The following HGS variants were observed in gnomAD, a reference collection of about 807,000 sequenced individuals.
HGS encodes the protein hepatocyte growth factor-regulated tyrosine kinase substrate.
HGS carries 63 observed loss-of-function variants against 109.7 expected under a neutral mutation model. The observed-to-expected ratio is 0.57, with a 90% CI of 0.47 to 0.71. The LOEUF is 0.71. HGS is among the 30% of genes least tolerant of loss of function. The pLI is 0.00. For missense variants in HGS, 995 were observed against 1,068.3 expected (o/e 0.93, Z 0.96); for synonymous variants, 546 against 437.3 (o/e 1.25, Z -3.10).
In HGS at chr17:81,686,399, C is replaced by T. The variant is rs760890523; in HGVS notation, c.198+12C>T. ...TGTATGCCCTGGAGGTAAGCAGACC[C>T]CCGTGCCTCAGTGGCCCCCAGGGTC... On this transcript the variant is annotated intron_variant, in intron 3 of 21. Transcript: ENST00000329138. 3 of 1,610,964 alleles carry T rather than the reference C, an allele frequency of 1.9e-6. No homozygotes were observed. The highest frequency in any genetic ancestry group is 1.1e-5 in the South Asian group (1 of 91,020).
chr17:81,696,579 G>A, intron 16 of HGS, 28 bp from the exon 17 acceptor site: 1 of 1,569,980 alleles, frequency 6.4e-7, no homozygotes, highest in Non-Finnish European at 8.7e-7. Flanking sequence ...GGACCTCGCA[G>A]CATAACCAGC....
At chr17:81,690,298 C>T in intron 6 of HGS, 64 bp downstream of exon 6, 2 of 1,532,396 alleles carry the variant, frequency 1.3e-6, no homozygotes, top group Admixed American at 1.7e-5. Flanking sequence ...AAGGGGAGTG[C>T]TGGGAGCCCG....
intron 5 of HGS, among the ~76,000 whole-genome samples, chr17:81,689,819 C>T (rs1453936007): frequency 2.0e-5 from 3 of 152,100 alleles, no homozygotes; most frequent in East Asian, 1.9e-4. Context: ...TTTCTGGGGT[C>T]GTGTGTCAAG....
chr17:81,685,792 G>A, intron 2 of HGS, 103 bp downstream of exon 2: 1 of 809,510 alleles, frequency 1.2e-6, no homozygotes, highest in South Asian at 1.7e-5. Context: ...GACCGTGTTA[G>A]GCTCTTATGT....
rs771038555 is a variant in HGS, at chr17:81,696,574, T to G, written c.1567-33T>G. 9.0e-6 allele frequency: 14 copies of G among 1,560,954 alleles called. No homozygotes were observed. The African/African-American group carries it at 1.9e-4, about 21-fold the overall frequency. On this transcript the variant is annotated intron_variant, in intron 16 of 21. Transcript: ENST00000329138. ...ACAGGCCGGGGCCGGCTGGGGGACC[T>G]CGCAGCATAACCAGCATGTTTTTGC...
chr17:81,690,030 T>G, intron 5 of HGS, 152 bp from the exon 6 acceptor site: 1 of 708,474 alleles, frequency 1.4e-6, no homozygotes, highest in South Asian at 2.0e-5. Flanking sequence ...ACACCCAATC[T>G]TGGGGGCAGG....
intron 15 of HGS, 34 bp downstream of exon 15, chr17:81,696,033 G>A: frequency 6.6e-7 from 1 of 1,514,354 alleles, no homozygotes; most frequent in Non-Finnish European, 8.9e-7. Flanking sequence ...TCGGCTCAGG[G>A]GCAGCCAGGT....
Position 81,693,590 on chromosome 17 carries a change from C to A in HGS, c.741+9C>A, listed in dbSNP as rs762812031. On this transcript the variant is annotated intron_variant, in intron 9 of 21. Coordinates refer to ENST00000329138, the MANE Select transcript of HGS (RefSeq NM_004712.5). ...TGTCTCAGCAGTCCCAGGTACTCAGCCCCCTCCGTCCCGTGGGCACCTCTT... is the reference window on the plus strand; with the variant it reads ...TGTCTCAGCAGTCCCAGGTACTCAGACCCCTCCGTCCCGTGGGCACCTCTT... 4.4e-6 allele frequency: 7 copies of A among 1,573,924 alleles called. No homozygotes were observed. In the South Asian group the frequency reaches 5.7e-5, roughly 13 times the overall value.
In HGS at chr17:81,695,209, G is replaced by A. The variant is rs1226525925; in HGVS notation, c.1165G>A (p.Gly389Ser). 1 of 1,614,176 alleles carries A rather than the reference G, an allele frequency of 6.2e-7. No homozygotes were observed. Among genetic ancestry groups the A allele is most frequent in the Non-Finnish European group, 8.5e-7 (1 of 1,179,988 alleles). ...CTCTCAGCCCATTCCTCCCTCTGGT[G>A]GCCCCTTTAGTGAGGTAAGCTGTGG... Reference protein sequence around the residue: ...TDSQPIPPSGGPFSEPQFHNG... With the variant: ...TDSQPIPPSGSPFSEPQFHNG... The change falls in exon 14 of 22, where the codon GGC (glycine) becomes AGC (serine). Residue 389 changes from glycine (G) to serine (S), a missense_variant. Gly to Ser is a moderately conservative substitution (Grantham distance 56). This residue lies in a region of HGS where 300 missense variants were observed against 235.4 expected (regional missense o/e 1.27). Transcript: ENST00000329138.
chr17:81,686,957 C>T, intron 3 of HGS, 46 bp from the exon 4 acceptor site: 2 of 1,513,500 alleles, frequency 1.3e-6, no homozygotes, highest in Non-Finnish European at 1.8e-6. Flanking sequence ...AGGAGGGGCC[C>T]TGCCCTGACC....
chr17:81,685,289 C>T (rs1293218605), intron 1 of HGS, among the ~76,000 whole-genome samples: 1 of 152,214 alleles, frequency 6.6e-6, no homozygotes, highest in South Asian at 2.1e-4. Context: ...AAGAGTGAAT[C>T]AGCCTCTGTC....
chr17:81,688,592 C>T, intron 4 of HGS, 112 bp from the exon 5 acceptor site: 1 of 1,386,366 alleles, frequency 7.2e-7, no homozygotes, highest in Non-Finnish European at 9.9e-7. Context: ...TCCCTGGCCT[C>T]TGTGTCAGCC....
Position 81,687,118 on chromosome 17 carries a change from G to T in HGS, c.291+23G>T, listed in dbSNP as rs1306878027. On this transcript the variant is annotated intron_variant, in intron 4 of 21. Coordinates refer to ENST00000329138, the MANE Select transcript of HGS (RefSeq NM_004712.5). ...AAGGTGGGTGAGACGGGGGCATGCG[G>T]GTGGCCACCCAGGCTGGCACCTTTG... The T allele has an allele frequency of 5.1e-6, 8 of 1,570,412 alleles. No individual in the cohort carries two copies. In the South Asian group the frequency reaches 7.9e-5, roughly 15 times the overall value.
chr17:81,695,384 C>T (rs1354502630), intron 14 of HGS, among the ~76,000 whole-genome samples, 161 bp downstream of exon 14: 9 of 152,228 alleles, frequency 5.9e-5, no homozygotes, highest in Non-Finnish European at 1.3e-4. Flanking sequence ...CCTTTGTGGC[C>T]TCTCCCAATG....
At chr17:81,686,264 C>T in intron 2 of HGS, 48 bp from the exon 3 acceptor site, 3 of 1,503,242 alleles carry the variant, frequency 2.0e-6, no homozygotes, top group South Asian at 1.1e-5. Context: ...GTTGCTGAGA[C>T]TATTTTTTTC....
chr17:81,687,347 G>A lies in HGS; in HGVS notation c.291+252G>A, dbSNP rs573912159. On this transcript the variant is annotated intron_variant, in intron 4 of 21. Transcript: ENST00000329138. Reference sequence around the variant, plus strand: ...GTGTCTGGAGGACCAAGGTGACAGCGACCCTGGGGCCTGGGGGAAGCTTCC... The same window carrying A: ...GTGTCTGGAGGACCAAGGTGACAGCAACCCTGGGGCCTGGGGGAAGCTTCC... 3.9e-5 allele frequency among the ~76,000 whole-genome samples: 6 copies of A among 152,312 alleles called. No homozygotes were observed. The South Asian group carries it at 8.3e-4, about 21-fold the overall frequency.
intron 18 of HGS, chr17:81,697,207 C>A: frequency 1.8e-6 from 1 of 560,132 alleles, no homozygotes; most frequent in Non-Finnish European, 3.1e-6. Context: ...GCAGGTACTG[C>A]CCTCTCCCCT....
Position 81,695,224 on chromosome 17 carries a change from G to A in HGS, c.1179+1G>A. On this transcript the variant is annotated splice_donor_variant, in intron 14 of 21. Coordinates refer to ENST00000329138, the MANE Select transcript of HGS (RefSeq NM_004712.5). LOFTEE classifies it high-confidence loss of function. ...TCCCTCTGGTGGCCCCTTTAGTGAG[G>A]TAAGCTGTGGCTCCCTCCACGGGCC... 6.2e-7 allele frequency: 1 copy of A among 1,614,122 alleles called. No individual in the cohort carries two copies. Among genetic ancestry groups the A allele is most frequent in the East Asian group, 2.2e-5 (1 of 44,886 alleles).
At chr17:81,701,298 T>G in intron 21 of HGS, 167 bp downstream of exon 21, 1 of 796,590 alleles carries the variant, frequency 1.3e-6, no homozygotes, top group Non-Finnish European at 2.0e-6. Flanking sequence ...GACACAAGTC[T>G]CAGGGCAGAT....
Sources: gnomAD v4.1 joint callset for allele counts (sites outside exome capture counted in the v4.1 genomes callset) on GRCh38, gnomAD v4.1.1 for gene constraint, gnomAD v4.1.1 regional missense constraint, MANE v1.5 for transcripts, NCBI Gene and HGNC (gene_info 2026-07-23, HGNC 2026-07-21) for gene names.